The following EIF4G3 variants were observed in gnomAD, a reference collection of about 807,000 sequenced individuals.
EIF4G3 encodes the protein eukaryotic translation initiation factor 4 gamma 3.
A neutral mutation model predicts 186.4 loss-of-function variants in EIF4G3; 34 were observed. The ratio of observed to expected loss-of-function variants is 0.18; its 90% CI spans 0.14 to 0.24. EIF4G3 has a LOEUF of 0.24. Ranked by LOEUF, EIF4G3 falls within the 10% of genes least tolerant of loss-of-function variation. The pLI is 1.00. For missense variants in EIF4G3, 1,536 were observed against 1,948.5 expected (o/e 0.79, Z 3.99); for synonymous variants, 673 against 679.5 (o/e 0.99, Z 0.15).
At chr1:21,057,875 T>C (rs1362625470) in intron 3 of EIF4G3, among the ~76,000 whole-genome samples, 3 of 152,182 alleles carry the variant, frequency 2.0e-5, no homozygotes, top group Non-Finnish European at 2.9e-5. Context: ...GCTAGTGAAT[T>C]TTCATTCAAG....
rs116476301 is a variant in EIF4G3, at chr1:20,876,198, G to A, written c.2622+3125C>T. 1.7e-3 allele frequency among the ~76,000 whole-genome samples: 238 copies of A among 141,778 alleles called. 1 individual carries two copies. The highest frequency in any genetic ancestry group is 6.0e-3 in the African/African-American group (226 of 37,960). The allele number at this position is 141,778 out of a possible 152,430, so 93.0% of individuals were successfully genotyped here. ...TGATCACACCACTGTACTCCAGCCTGGGATATAGAGTGAGAGCCTGTCTCA... is the reference window on the plus strand; with the variant it reads ...TGATCACACCACTGTACTCCAGCCTAGGATATAGAGTGAGAGCCTGTCTCA... On this transcript the variant is annotated intron_variant, in intron 20 of 36. Coordinates refer to ENST00000602326, the MANE Select transcript of EIF4G3 (RefSeq NM_001391906.1).
At chr1:20,910,285 G>A (rs1249786613) in intron 14 of EIF4G3, among the ~76,000 whole-genome samples, 1 of 151,932 alleles carries the variant, frequency 6.6e-6, no homozygotes, top group African/African-American at 2.4e-5. Flanking sequence ...AAGTAAATAG[G>A]AACTAAAAAA....
At chr1:20,896,709 T>C (rs961301950) in intron 16 of EIF4G3, among the ~76,000 whole-genome samples, 25 of 152,186 alleles carry the variant, frequency 1.6e-4, no homozygotes, top group African/African-American at 5.8e-4. Flanking sequence ...ACCACTCATC[T>C]AGAACAACTT....
Position 20,853,665 on chromosome 1 carries a change from G to A in EIF4G3, c.3446C>T (p.Ser1149Leu). ...AKASETDALR[S>L]SASSLNRFSA... is the part of the protein sequence containing the mutation. ...GAATCTGTTTAAACTGGAAGCACTT[G>A]ACCGTAAGGCATCTACACATGTCGA... Residue 1149 changes from serine (S) to leucine (L), a missense_variant, in exon 27 of 37, where the codon TCA (serine) becomes TTA (leucine). Physicochemically the swap from Ser to Leu is moderately radical, Grantham distance 145. Transcript: ENST00000602326. The A allele has an allele frequency of 6.2e-7, 1 of 1,611,546 alleles. No homozygotes were observed. Among genetic ancestry groups the A allele is most frequent in the Non-Finnish European group, 8.5e-7 (1 of 1,178,426 alleles).
chr1:20,920,844 C>T (rs1012040539), intron 14 of EIF4G3, among the ~76,000 whole-genome samples: 1 of 152,042 alleles, frequency 6.6e-6, no homozygotes, highest in Non-Finnish European at 1.5e-5. Context: ...GGCAGTGGCC[C>T]AGGTTTCCTG....
chr1:21,107,569 C>A (rs1269024918), intron 2 of EIF4G3, among the ~76,000 whole-genome samples: 1 of 152,204 alleles, frequency 6.6e-6, no homozygotes, highest in Non-Finnish European at 1.5e-5. Context: ...GGGGTCTCCA[C>A]AAGTTAGCTA....
chr1:20,919,498 C>G (rs548712535), intron 14 of EIF4G3, among the ~76,000 whole-genome samples: 1 of 152,244 alleles, frequency 6.6e-6, no homozygotes, highest in Admixed American at 6.5e-5. Context: ...AGCCACCAAG[C>G]CTGACCCCAT....
chr1:20,970,906 G>T (rs996215466), intron 11 of EIF4G3, among the ~76,000 whole-genome samples: 2 of 152,200 alleles, frequency 1.3e-5, no homozygotes, highest in Non-Finnish European at 2.9e-5. Flanking sequence ...GGAGGTTGCA[G>T]TGAGCTGAGA....
At chr1:20,986,289 A>G (rs1446569645) in intron 7 of EIF4G3, among the ~76,000 whole-genome samples, 2 of 152,164 alleles carry the variant, frequency 1.3e-5, no homozygotes, top group African/African-American at 4.8e-5. Flanking sequence ...ACCAAGAATC[A>G]CAGGAGCAGT....
In EIF4G3 at chr1:20,920,283, C is replaced by A. The variant is rs1029060092; in HGVS notation, c.1664-15312G>T. On this transcript the variant is annotated intron_variant, in intron 14 of 36. Coordinates refer to ENST00000602326, the MANE Select transcript of EIF4G3 (RefSeq NM_001391906.1). Reference sequence around the variant, plus strand: ...AAAATAGGCAATTTATGTTTTAAATCACATATTTCAAGTAGACAAATTCCT... The same window carrying A: ...AAAATAGGCAATTTATGTTTTAAATAACATATTTCAAGTAGACAAATTCCT... 5.9e-5 allele frequency among the ~76,000 whole-genome samples: 9 copies of A among 152,272 alleles called. No individual in the cohort carries two copies. In the South Asian group the frequency reaches 1.0e-3, roughly 18 times the overall value.
intron 2 of EIF4G3, among the ~76,000 whole-genome samples, chr1:21,095,991 C>T (rs912325737): frequency 3.2e-4 from 48 of 152,154 alleles, no homozygotes; most frequent in African/African-American, 1.2e-3. Flanking sequence ...AGTTCTACAA[C>T]AGACTAATAT....
chr1:20,893,322 G>C (rs1405877630), intron 18 of EIF4G3, 195 bp downstream of exon 18: 1 of 491,374 alleles, frequency 2.0e-6, no homozygotes, highest in Non-Finnish European at 3.3e-6. Context: ...ATGCAGACTA[G>C]CTTCTGCCAA....
intron 2 of EIF4G3, among the ~76,000 whole-genome samples, chr1:21,153,650 C>T (rs2097584559): frequency 6.6e-6 from 1 of 152,108 alleles, no homozygotes; most frequent in Non-Finnish European, 1.5e-5. Flanking sequence ...GGGGAACCTC[C>T]GCCTCCCAGG....
intron 24 of EIF4G3, among the ~76,000 whole-genome samples, chr1:20,860,035 T>C (rs1017689473): frequency 6.6e-6 from 1 of 152,236 alleles, no homozygotes; most frequent in African/African-American, 2.4e-5. Context: ...TGTTCCTCTT[T>C]TGCTTGTCAA....
At chr1:20,840,705 C>T in intron 30 of EIF4G3, 151 bp downstream of exon 30, 1 of 679,022 alleles carries the variant, frequency 1.5e-6, no homozygotes. Context: ...ACCAACATAT[C>T]AATATATTAA....
intron 2 of EIF4G3, chr1:21,175,348 A>G (rs1008308864): frequency 6.6e-6 from 1 of 152,244 alleles, no homozygotes; most frequent in Non-Finnish European, 1.5e-5. Context: ...ATGAAATTAG[A>G]AACATTCAAT....
At chr1:21,137,812 T>A (rs577266217) in intron 2 of EIF4G3, among the ~76,000 whole-genome samples, 1 of 121,822 alleles carries the variant, frequency 8.2e-6, no homozygotes, top group East Asian at 2.1e-4. Flanking sequence ...GAAGACCCTG[T>A]CTCAAAAAAA....
intron 2 of EIF4G3, among the ~76,000 whole-genome samples, chr1:21,101,564 A>AAAAAAAAAAAC (rs1343303720): frequency 2.8e-5 from 4 of 141,016 alleles, no homozygotes; most frequent in African/African-American, 1.0e-4. Flanking sequence ...GGTCTCAGGA[A>AAAAAAAAAAAC]AAAAAAAAAA....
At chr1:20,990,064 G>A (rs1178676051) in intron 7 of EIF4G3, among the ~76,000 whole-genome samples, 1 of 152,086 alleles carries the variant, frequency 6.6e-6, no homozygotes, top group South Asian at 2.1e-4. Context: ...TAAAGTCCCC[G>A]CAACTCAGGA....
Sources: allele counts gnomAD v4.1 joint callset (sites outside exome capture counted in the v4.1 genomes callset), GRCh38; gene constraint gnomAD v4.1.1; transcripts MANE v1.5; gene names NCBI Gene and HGNC (gene_info 2026-07-23, HGNC 2026-07-21).